KLHL20: variants seen among roughly 807,000 people sequenced by gnomAD.
The protein encoded by KLHL20 is kelch like family member 20, also known as kelch-like protein 20.
KLHL20 carries 29 observed loss-of-function variants against 69.5 expected under a neutral mutation model. The ratio of observed to expected loss-of-function variants is 0.42; its 90% CI spans 0.31 to 0.57. The LOEUF is 0.57. Ranked by LOEUF, KLHL20 falls within the 20% of genes least tolerant of loss-of-function variation. KLHL20 has a pLI of 0.18. For missense variants in KLHL20, 419 were observed against 776.0 expected (o/e 0.54, Z 5.47); for synonymous variants, 253 against 265.2 (o/e 0.95, Z 0.45).
At chr1:173,755,755 G>A (rs952228310) in intron 5 of KLHL20, among the ~76,000 whole-genome samples, 168 bp from the exon 6 acceptor site, 2 of 152,144 alleles carry the variant, frequency 1.3e-5, no homozygotes, top group South Asian at 4.1e-4. Context: ...AGTTTGACTG[G>A]CATTATTGGT....
rs1648104263 is a variant in KLHL20, at chr1:173,771,717, A to G, written c.1296-2588A>G. On this transcript the variant is annotated intron_variant, in intron 8 of 11. Transcript: ENST00000209884. The stretch of plus-strand genomic sequence containing the variant: ...CAGGAGTTCAAGATTATAATGAGCT[A>G]TGATTGCACCACTCTACCCCACCCT... Among the ~76,000 whole-genome samples, 3 of 152,186 alleles carry G rather than the reference A, an allele frequency of 2.0e-5. No individual in the cohort carries two copies. The South Asian group carries it at 6.2e-4, about 31-fold the overall frequency.
rs1213587083 is a variant in KLHL20 at position 173,724,483 on chromosome 1, ATTATT to A, written c.23+8421_23+8425del. The stretch of plus-strand genomic sequence containing the variant: ...TTAGTAAATATTTGTTAAAAGAATA[ATTATT>A]TTAATTAAGAGGCATAGATTGTCTT... On this transcript the variant is annotated intron_variant, in intron 2 of 11. Coordinates refer to ENST00000209884, the MANE Select transcript of KLHL20 (RefSeq NM_014458.4). Among the ~76,000 whole-genome samples the A allele has an allele frequency of 3.3e-5, 5 of 152,346 alleles. No individual in the cohort carries two copies. The East Asian group carries it at 7.7e-4, about 23-fold the overall frequency.
intron 3 of KLHL20, among the ~76,000 whole-genome samples, chr1:173,743,352 C>T (rs530369583): frequency 6.6e-6 from 1 of 151,992 alleles, no homozygotes; most frequent in Admixed American, 6.6e-5. Context: ...CATTTTGCCT[C>T]ATTTACCTTG....
At chr1:173,715,935 A>T (rs1671450600) in intron 1 of KLHL20, 68 bp from the exon 2 acceptor site, 2 of 1,107,882 alleles carry the variant, frequency 1.8e-6, no homozygotes, top group Non-Finnish European at 2.7e-6. Flanking sequence ...TGAAATGATT[A>T]TATAAAGATT....
At chr1:173,732,208 A>C (rs997862747) in intron 2 of KLHL20, among the ~76,000 whole-genome samples, 30 of 152,018 alleles carry the variant, frequency 2.0e-4, no homozygotes, top group African/African-American at 7.0e-4. Context: ...AAAAAAAAAA[A>C]AACCAGTGTG....
At chr1:173,747,242 A>G (rs1673104802) in intron 3 of KLHL20, among the ~76,000 whole-genome samples, 1 of 151,936 alleles carries the variant, frequency 6.6e-6, no homozygotes, top group South Asian at 2.1e-4. Context: ...TGGCTCTTCT[A>G]TATTCCTTTT....
chr1:173,735,400 C>A (rs999871159), intron 3 of KLHL20, among the ~76,000 whole-genome samples: 1 of 150,564 alleles, frequency 6.6e-6, no homozygotes, highest in Non-Finnish European at 1.5e-5. Flanking sequence ...GAGCCAAGAT[C>A]GTGCCACTGC....
chr1:173,769,157 T>G (rs969122471), intron 8 of KLHL20, among the ~76,000 whole-genome samples: 2 of 152,214 alleles, frequency 1.3e-5, no homozygotes, highest in African/African-American at 2.4e-5. Flanking sequence ...GTCCTGTGCA[T>G]TGTAGGATGT....
intron 7 of KLHL20, among the ~76,000 whole-genome samples, chr1:173,758,374 A>G (rs534312888): frequency 6.6e-6 from 1 of 152,306 alleles, no homozygotes; most frequent in South Asian, 2.1e-4. Context: ...ATCATGGCAG[A>G]CGGGAGGCAG....
At chr1:173,757,664 CAAAAAAAAA>C (rs906943946) in intron 7 of KLHL20, among the ~76,000 whole-genome samples, 28 of 59,078 alleles carry the variant, frequency 4.7e-4, no homozygotes, top group African/African-American at 1.3e-3. Context: ...GACTCCTTCT[CAAAAAAAAA>C]AAAAAAAGAA....
intron 2 of KLHL20, among the ~76,000 whole-genome samples, chr1:173,717,864 A>G (rs1412094363): frequency 1.3e-5 from 2 of 152,202 alleles, no homozygotes; most frequent in East Asian, 1.9e-4. Flanking sequence ...TATGAAATCA[A>G]TTGGCATTTT....
intron 2 of KLHL20, among the ~76,000 whole-genome samples, chr1:173,724,999 T>C (rs1265296450): frequency 6.6e-6 from 1 of 152,166 alleles, no homozygotes; most frequent in Admixed American, 6.5e-5. Flanking sequence ...ATGAAATGCA[T>C]TTTATAGGCT....
chr1:173,716,652 T>C (rs550898114), intron 2 of KLHL20, among the ~76,000 whole-genome samples: 3 of 152,324 alleles, frequency 2.0e-5, no homozygotes, highest in Admixed American at 2.0e-4. Context: ...TAATGTTTTT[T>C]CTCATTTTGT....
Position 173,751,908 on chromosome 1 carries a change from C to T in KLHL20, c.742C>T (p.Pro248Ser). The T allele has an allele frequency of 6.2e-7, 1 of 1,613,776 alleles. No homozygotes were observed. Among genetic ancestry groups the T allele is most frequent in the Non-Finnish European group, 8.5e-7 (1 of 1,179,864 alleles). The change falls in exon 4 of 12, where the codon CCT becomes TCT. Residue 248 changes from proline (P) to serine (S), a missense_variant. Transcript: ENST00000209884. ...CAAATACAGTATTCAGGAAAGACGTCCTCAATTACCCCAGGTAATGATAGA... is the reference window on the plus strand; with the variant it reads ...CAAATACAGTATTCAGGAAAGACGTTCTCAATTACCCCAGGTAATGATAGA... ...WVKYSIQERR[P>S]QLPQVLQHVR...
intron 8 of KLHL20, 114 bp from the exon 9 acceptor site, chr1:173,774,191 C>A: frequency 8.2e-7 from 1 of 1,218,776 alleles, no homozygotes; most frequent in Non-Finnish European, 1.2e-6. Context: ...TTTCATTGCA[C>A]ATTTGACTAT....
At chr1:173,764,537 T>C (rs1225929102) in intron 7 of KLHL20, among the ~76,000 whole-genome samples, 2 of 152,212 alleles carry the variant, frequency 1.3e-5, no homozygotes, top group Non-Finnish European at 2.9e-5. Flanking sequence ...TGGAATACTA[T>C]GCAGCCATAA....
intron 8 of KLHL20, 65 bp downstream of exon 8, chr1:173,766,354 A>C: frequency 6.9e-7 from 1 of 1,439,310 alleles, no homozygotes; most frequent in Non-Finnish European, 9.2e-7. Context: ...CTTTAAAAGA[A>C]AAACTACAGG....
At chr1:173,727,228 C>T (rs1211237098) in intron 2 of KLHL20, among the ~76,000 whole-genome samples, 2 of 151,842 alleles carry the variant, frequency 1.3e-5, no homozygotes, top group Non-Finnish European at 2.9e-5. Context: ...CGAGCAAAGC[C>T]TCCAAGAAAT....
At chr1:173,776,303 T>G (rs115087920) in intron 10 of KLHL20, among the ~76,000 whole-genome samples, 12,545 of 152,252 alleles carry the variant, frequency 0.082, 745 homozygotes, top group East Asian at 0.32. Context: ...TATTGAGTTG[T>G]TTGAGCCCTT....
Sources: allele counts gnomAD v4.1 joint callset (sites outside exome capture counted in the v4.1 genomes callset), GRCh38; gene constraint gnomAD v4.1.1; transcripts MANE v1.5; gene names NCBI Gene and HGNC (gene_info 2026-07-23, HGNC 2026-07-21).